Variants in SRPK2 observed in about 807,000 individuals in gnomAD.
SRPK2 encodes the protein SFRS protein kinase 2.
Under a neutral mutation model 90.8 loss-of-function variants are expected in SRPK2, and 21 were observed. That is an observed-to-expected ratio of 0.23 (90% CI 0.16 to 0.33). The LOEUF is 0.33. SRPK2 is among the 10% of genes least tolerant of loss of function. The probability of loss-of-function intolerance (pLI) is 1.00; values close to 1 mark genes in which losing one functional copy is unlikely to be tolerated. For synonymous variants in SRPK2, 288 were observed against 311.1 expected, an observed-to-expected ratio of 0.93 and a Z score of 0.78; for missense variants, 620 against 869.0, an observed-to-expected ratio of 0.71 and a Z score of 3.60.
At chr7:105,378,286 T>TC (rs1366846180) in intron 2 of SRPK2, among the ~76,000 whole-genome samples, 2 of 152,176 alleles carry the variant, frequency 1.3e-5, no homozygotes, top group African/African-American at 2.4e-5. Flanking sequence ...CAAAATGATA[T>TC]CCATAATGAT....
intron 11 of SRPK2, among the ~76,000 whole-genome samples, chr7:105,140,832 G>A (rs924566245): frequency 4.0e-5 from 6 of 151,780 alleles, no homozygotes; most frequent in South Asian, 2.1e-4. Context: ...ATGGTGGCAC[G>A]CGCCTATAAT....
chr7:105,336,187 A>C (rs948273089), intron 2 of SRPK2, among the ~76,000 whole-genome samples: 2 of 152,196 alleles, frequency 1.3e-5, no homozygotes, highest in African/African-American at 2.4e-5. Context: ...TTTCACATCA[A>C]ATATTCACTA....
At chr7:105,278,240 C>A (rs767533164) in intron 2 of SRPK2, among the ~76,000 whole-genome samples, 4 of 149,810 alleles carry the variant, frequency 2.7e-5, no homozygotes, top group Non-Finnish European at 5.9e-5. Flanking sequence ...AGCTTGAACC[C>A]GGAGGCAGAG....
At chr7:105,141,239 T>C (rs1445151234) in intron 11 of SRPK2, among the ~76,000 whole-genome samples, 1 of 152,198 alleles carries the variant, frequency 6.6e-6, no homozygotes, top group Non-Finnish European at 1.5e-5. Flanking sequence ...GGCTGCAGAA[T>C]GTCGGGCTGT....
rs140063535 is a variant in SRPK2, at chr7:105,126,994, T to C, written c.1821A>G (p.Glu607=). 25 of 1,614,144 alleles carry C rather than the reference T, an allele frequency of 1.5e-5. No individual in the cohort carries two copies. The East Asian group carries it at 5.6e-4, about 36-fold the overall frequency. ...PHSGEDYSRD[E]DHIAHIIELL... is the part of the protein sequence containing the mutation. ...TATTCAGCAGGCACCAATACTCACC[T>C]TCGTCTCTGGAATAGTCTTCCCCAG... The change falls in exon 14 of 16, where the codon GAA becomes GAG. Residue 607 remains glutamate, a splice_region_variant and synonymous_variant. Transcript: ENST00000393651.
At chr7:105,288,437 A>G (rs1476830756) in intron 2 of SRPK2, among the ~76,000 whole-genome samples, 1 of 152,032 alleles carries the variant, frequency 6.6e-6, no homozygotes, top group Non-Finnish European at 1.5e-5. Flanking sequence ...TACTAAAAAT[A>G]TAAAAAATTA....
chr7:105,388,919 C>A lies in SRPK2; in HGVS notation c.-113G>T. 8 of 1,210,068 alleles carry A rather than the reference C, an allele frequency of 6.6e-6. No individual in the cohort carries two copies. Among genetic ancestry groups the A allele is most frequent in the Non-Finnish European group, 8.2e-6 (8 of 977,140 alleles). 75.0% of individuals were successfully genotyped at this position (1,210,068 alleles called of 1,614,324 possible). ...CGGCCGGGAGGAGACGAGAACCGCGCCTGCGCCGCCGCCGCCGCCGCCGCT... is the reference window on the plus strand; with the variant it reads ...CGGCCGGGAGGAGACGAGAACCGCGACTGCGCCGCCGCCGCCGCCGCCGCT... On this transcript the variant is annotated 5_prime_UTR_variant, in exon 1 of 16. Coordinates refer to ENST00000393651, the MANE Select transcript of SRPK2 (RefSeq NM_182692.3).
At chr7:105,315,263 A>G (rs1353987519) in intron 2 of SRPK2, among the ~76,000 whole-genome samples, 1 of 152,214 alleles carries the variant, frequency 6.6e-6, no homozygotes, top group African/African-American at 2.4e-5. Flanking sequence ...TTAATCTAAC[A>G]ACTGGGAAAA....
intron 2 of SRPK2, among the ~76,000 whole-genome samples, chr7:105,226,084 C>G (rs1405636847): frequency 6.6e-6 from 1 of 152,140 alleles, no homozygotes; most frequent in Non-Finnish European, 1.5e-5. Context: ...GTAAGAAGTT[C>G]TGTTAAGTCT....
rs376014792 is a variant in SRPK2, at chr7:105,117,860, C to A, written c.2078G>T (p.Arg693Leu). 1 of 1,612,816 alleles carries A rather than the reference C, an allele frequency of 6.2e-7. No individual in the cohort carries two copies. Among genetic ancestry groups the A allele is most frequent in the East Asian group, 2.2e-5 (1 of 44,868 alleles). Residue 693 changes from arginine (R) to leucine (L), a missense_variant, in exon 16 of 16, where the codon CGG becomes CTG. Coordinates refer to ENST00000393651, the MANE Select transcript of SRPK2 (RefSeq NM_182692.3). ...TTGCTAAGAATTCAACCAAGGATGC[C>A]GAAGGCATTCGCCAGCTGAGGCTCG... ...EKRASAGECL[R>L]HPWLNS
intron 2 of SRPK2, chr7:105,206,574 G>C (rs1426212999): frequency 6.5e-6 from 1 of 154,312 alleles, no homozygotes; most frequent in African/African-American, 2.4e-5. Context: ...AAAGTATAGA[G>C]GAGGTTTAGT....
chr7:105,289,100 C>A (rs1460899434), intron 2 of SRPK2, among the ~76,000 whole-genome samples: 26 of 86,644 alleles, frequency 3.0e-4, no homozygotes, highest in East Asian at 1.4e-3. Flanking sequence ...ACTTAAAGCA[C>A]AAAAAAAAAA....
intron 2 of SRPK2, among the ~76,000 whole-genome samples, chr7:105,207,441 A>C (rs1052338479): frequency 1.3e-5 from 2 of 152,252 alleles, no homozygotes; most frequent in Non-Finnish European, 1.5e-5. Context: ...ACAGATTAAA[A>C]AAAACAACTT....
intron 2 of SRPK2, among the ~76,000 whole-genome samples, chr7:105,272,575 T>C (rs1805964036): frequency 6.6e-6 from 1 of 152,154 alleles, no homozygotes; most frequent in African/African-American, 2.4e-5. Flanking sequence ...GACCGTTATC[T>C]TCCATGCAGC....
At chr7:105,389,341 C>T (rs1349954070), upstream of SRPK2, 4 of 1,277,908 alleles carry the variant, frequency 3.1e-6, no homozygotes, top group African/African-American at 4.7e-5. Context: ...TCTTCTCTCC[C>T]TTTGCTCCTC....
chr7:105,376,564 G>A lies in SRPK2; in HGVS notation c.71+12084C>T, dbSNP rs1482671733. Among the ~76,000 whole-genome samples the A allele has an allele frequency of 2.0e-5, 3 of 147,966 alleles. No homozygotes were observed. The Admixed American group carries it at 2.1e-4, about 10-fold the overall frequency. ...TTTTTTTTGGTGAGGGGAGGGTATA[G>A]AGTCTCACTCTGTTGCCCAGGCTTG... On this transcript the variant is annotated intron_variant, in intron 2 of 15. Transcript: ENST00000393651.
intron 2 of SRPK2, among the ~76,000 whole-genome samples, chr7:105,359,267 A>T (rs1585876583): frequency 7.0e-6 from 1 of 143,828 alleles, no homozygotes; most frequent in African/African-American, 2.6e-5. Context: ...CAAGCAATTC[A>T]CCTGCCTCAG....
Position 105,261,293 on chromosome 7 carries a change from G to A in SRPK2, c.72-57508C>T, listed in dbSNP as rs892542650. On this transcript the variant is annotated intron_variant, in intron 2 of 15. Transcript: ENST00000393651. ...TCCCGGCACTTTGGGAGGCCGAGGC[G>A]GGTGGATCACAAGGTCAGGAGATCG... Among the ~76,000 whole-genome samples, 5 of 152,062 alleles carry A rather than the reference G, an allele frequency of 3.3e-5. No individual in the cohort carries two copies. In the East Asian group the frequency reaches 7.7e-4, roughly 23 times the overall value.
At chr7:105,214,366 G>A (rs538027110) in intron 2 of SRPK2, among the ~76,000 whole-genome samples, 14 of 152,278 alleles carry the variant, frequency 9.2e-5, no homozygotes, top group African/African-American at 3.4e-4. Flanking sequence ...GCAGTAAAAT[G>A]ATAAACAGTC....
Sources: allele counts gnomAD v4.1 joint callset (sites outside exome capture counted in the v4.1 genomes callset), GRCh38; gene constraint gnomAD v4.1.1; transcripts MANE v1.5; gene names NCBI Gene and HGNC (gene_info 2026-07-23, HGNC 2026-07-21).